Variants in SLC26A4 observed in about 807,000 individuals in gnomAD.
SLC26A4 encodes the protein pendrin.
In SLC26A4, 93 loss-of-function variants were observed where a neutral mutation model predicts 90.4. The observed-to-expected ratio is 1.03, with a 90% CI of 0.87 to 1.22. The LOEUF (loss-of-function observed/expected upper bound fraction) is 1.22. SLC26A4 is among the 50% of genes most tolerant of loss of function. SLC26A4 has a pLI of 0.00. For missense variants in SLC26A4, 1,127 were observed against 946.2 expected, an observed-to-expected ratio of 1.19 and a Z score of -2.51; for synonymous variants, 393 against 354.6, an observed-to-expected ratio of 1.11 and a Z score of -1.22.
intron 8 of SLC26A4, among the ~76,000 whole-genome samples, chr7:107,687,063 G>A (rs1791441656): frequency 6.6e-6 from 1 of 152,154 alleles, no homozygotes; most frequent in Admixed American, 6.5e-5. Flanking sequence ...ATTCTGTTTG[G>A]TATTCTGTTT....
intron 17 of SLC26A4, 79 bp from the exon 18 acceptor site, chr7:107,704,252 T>C (rs571293895): frequency 2.0e-4 from 140 of 714,692 alleles, no homozygotes; most frequent in Middle Eastern, 2.3e-4. Context: ...ATGTTTCTCC[T>C]GAGCAAGTAA....
chr7:107,693,738 C>G lies in SLC26A4; in HGVS notation c.1264-665C>G, dbSNP rs74378867. On this transcript the variant is annotated intron_variant, in intron 10 of 20. Transcript: ENST00000644269. The stretch of plus-strand genomic sequence containing the variant: ...CTTCCTTTTACCCCTGCTATTGCCC[C>G]GTTACTCCATAGTCACTGTTTCAGG... 5 of 992,144 alleles carry G rather than the reference C, an allele frequency of 5.0e-6. No homozygotes were observed. In the African/African-American group the frequency reaches 8.7e-5, roughly 17 times the overall value. 61.5% of individuals were successfully genotyped at this position (992,144 alleles called of 1,614,324 possible). A position where few individuals can be genotyped will look rare whatever the true frequency, so the allele number is the denominator to read the frequency against.
intron 6 of SLC26A4, among the ~76,000 whole-genome samples, chr7:107,681,852 G>C (rs1482221421): frequency 6.6e-6 from 1 of 151,588 alleles, no homozygotes; most frequent in East Asian, 1.9e-4. Flanking sequence ...TGAGAGGTTG[G>C]GCAGGAGGAT....
At chr7:107,674,869 T>G in intron 5 of SLC26A4, 76 bp from the exon 6 acceptor site, 2 of 1,399,670 alleles carry the variant, frequency 1.4e-6, no homozygotes, top group Non-Finnish European at 2.0e-6. Context: ...GGTATTAAGC[T>G]TGATGTAATA....
chr7:107,663,585 C>A, intron 3 of SLC26A4, 150 bp downstream of exon 3: 1 of 864,672 alleles, frequency 1.2e-6, no homozygotes. Context: ...CACCTCTCTT[C>A]TCCCCTTCCT....
intron 10 of SLC26A4, chr7:107,692,033 T>G (rs1445106229): frequency 1.6e-6 from 2 of 1,289,206 alleles, no homozygotes; most frequent in African/African-American, 3.0e-5. Flanking sequence ...TCCATTCTCC[T>G]GATGTTACCT....
chr7:107,665,879 T>C (rs1458349056), intron 3 of SLC26A4, among the ~76,000 whole-genome samples: 1 of 152,250 alleles, frequency 6.6e-6, no homozygotes, highest in Non-Finnish European at 1.5e-5. Flanking sequence ...TGTAGTTCCT[T>C]ACTTTATGGG....
chr7:107,668,992 T>C (rs75063502), intron 3 of SLC26A4, among the ~76,000 whole-genome samples: 6,011 of 152,172 alleles, frequency 0.04, 386 homozygotes, highest in African/African-American at 0.14. Context: ...TTGAGACTCT[T>C]TCTCACACAG....
Position 107,712,630 on chromosome 7 carries a change from C to CCTCTG in SLC26A4, c.2319+8_2319+9insCTCTG. 7.0e-7 allele frequency: 1 copy of CCTCTG among 1,419,980 alleles called. No homozygotes were observed. The highest frequency in any genetic ancestry group is 1.0e-6 in the Non-Finnish European group (1 of 1,003,320). The allele number at this position is 1,419,980 out of a possible 1,614,324, so 88.0% of individuals were successfully genotyped here. ...CTTGATGTCCAGGATGAGGTATGAT[C>CCTCTG]ATTTTCTTCTGAAGAAAATATTTGA... On this transcript the variant is annotated intron_variant, in intron 20 of 20. Coordinates refer to ENST00000644269, the MANE Select transcript of SLC26A4 (RefSeq NM_000441.2).
intron 10 of SLC26A4, among the ~76,000 whole-genome samples, chr7:107,692,433 A>C: frequency 6.6e-6 from 1 of 152,162 alleles, no homozygotes; most frequent in East Asian, 1.9e-4. Context: ...TTTCACAGGG[A>C]TATTGTGAGG....
At position 107,696,019 on chromosome 7, in the gene SLC26A4, T is replaced by A; in HGVS notation, c.1524T>A (p.Thr508=). The change falls in exon 13 of 21, where the codon ACT becomes ACA. Residue 508 remains threonine, a synonymous_variant. Transcript: ENST00000644269. ...CTGGCCTTATATTTGGACTGTTGAC[T>A]GTGGTCCTGAGAGTTCAGTTGTGAG... ...LLAGLIFGLL[T]VVLRVQFPSW... is the part of the protein sequence containing the mutation. 2 of 1,606,800 alleles carry A rather than the reference T, an allele frequency of 1.2e-6. No individual in the cohort carries two copies. The highest frequency in any genetic ancestry group is 1.3e-5 in the African/African-American group (1 of 74,880).
At chr7:107,707,349 C>A (rs555785566) in intron 18 of SLC26A4, among the ~76,000 whole-genome samples, 13 of 152,206 alleles carry the variant, frequency 8.5e-5, no homozygotes, top group Admixed American at 7.2e-4. Context: ...AGTTTAATTC[C>A]AACGAATGGT....
chr7:107,704,747 T>C (rs142614800), intron 18 of SLC26A4, among the ~76,000 whole-genome samples: 1 of 152,350 alleles, frequency 6.6e-6, no homozygotes, highest in African/African-American at 2.4e-5. Flanking sequence ...TACTTTTTTG[T>C]ATGAGGATTA....
intron 17 of SLC26A4, among the ~76,000 whole-genome samples, chr7:107,703,088 C>A (rs1791943269): frequency 6.6e-6 from 1 of 152,170 alleles, no homozygotes; most frequent in Non-Finnish European, 1.5e-5. Flanking sequence ...GCACAAGAGA[C>A]TAGTGATGAA....
At chr7:107,679,992 T>G (rs1362358915) in intron 6 of SLC26A4, among the ~76,000 whole-genome samples, 1 of 136,154 alleles carries the variant, frequency 7.3e-6, no homozygotes, top group Non-Finnish European at 1.5e-5. Flanking sequence ...TATTATATAA[T>G]ATAATCTTAT....
At chr7:107,700,264 T>C (rs1791852408) in intron 15 of SLC26A4, 89 bp downstream of exon 15, 2 of 734,312 alleles carry the variant, frequency 2.7e-6, no homozygotes. Context: ...CAATCAGGAA[T>C]AGGCCCTAGA....
rs552050976 is a variant in SLC26A4 at position 107,683,204 on chromosome 7, G to A, written c.768G>A (p.Thr256=). The part of the protein sequence containing the change: ...NYNGVLSIIY[T]LVEIFQNIGD... ...ATAAAATTATTTTCTTTTTATAGAC[G>A]CTGGTTGAGATTTTTCAAAATATTG... The change falls in exon 7 of 21, where the codon ACG becomes ACA. Residue 256 remains threonine (T), a splice_region_variant and synonymous_variant. Transcript: ENST00000644269. 9.3e-6 allele frequency: 15 copies of A among 1,610,804 alleles called. No homozygotes were observed. Among genetic ancestry groups the A allele is most frequent in the African/African-American group, 2.7e-5 (2 of 74,878 alleles).
At chr7:107,704,099 T>A (rs1045678966) in intron 17 of SLC26A4, among the ~76,000 whole-genome samples, 2 of 152,212 alleles carry the variant, frequency 1.3e-5, no homozygotes, top group Non-Finnish European at 2.9e-5. Context: ...ACCTCCACGC[T>A]ATCAAGTGCT....
At chr7:107,670,024 G>C (rs1354602582) in intron 3 of SLC26A4, among the ~76,000 whole-genome samples, 2 of 151,966 alleles carry the variant, frequency 1.3e-5, no homozygotes, top group African/African-American at 4.8e-5. Flanking sequence ...CTAGATGATG[G>C]ATACATGAAA....
Sources: allele counts gnomAD v4.1 joint callset (sites outside exome capture counted in the v4.1 genomes callset), GRCh38; gene constraint gnomAD v4.1.1; transcripts MANE v1.5; gene names NCBI Gene and HGNC (gene_info 2026-07-23, HGNC 2026-07-21).